Variants in LRRC4C observed in about 807,000 individuals in gnomAD.
The protein encoded by LRRC4C is leucine rich repeat containing 4C, also known as leucine-rich repeat-containing protein 4C.
In LRRC4C, 5 loss-of-function variants were observed where a neutral mutation model predicts 33.6. That is an observed-to-expected ratio of 0.15 (90% CI 0.08 to 0.31). The LOEUF (loss-of-function observed/expected upper bound fraction) is 0.31. LRRC4C is among the 10% of genes least tolerant of loss of function. The pLI is 1.00. For missense variants in LRRC4C, 560 were observed against 796.7 expected (o/e 0.70, Z 3.58); for synonymous variants, 329 against 302.0 (o/e 1.09, Z -0.93).
At position 40,168,096 on chromosome 11, in the gene LRRC4C, T is replaced by C. The variant is rs560419597; in HGVS notation, c.-95-27243A>G. Among the ~76,000 whole-genome samples the C allele has an allele frequency of 4.6e-5, 7 of 151,856 alleles. No homozygotes were observed. The South Asian group carries it at 1.2e-3, about 27-fold the overall frequency. ...AAACAAAACAAAAAAACTATCCCAC[T>C]GCTAGTAGGAAAGGAGATGTGAAAT... On this transcript the variant is annotated intron_variant, in intron 5 of 6. Transcript: ENST00000528697.
intron 2 of LRRC4C, among the ~76,000 whole-genome samples, chr11:40,718,684 A>C (rs1946853559): frequency 6.6e-6 from 1 of 152,190 alleles, no homozygotes; most frequent in Non-Finnish European, 1.5e-5. Context: ...TAAAAGATAC[A>C]GAAACTTCTG....
intron 2 of LRRC4C, among the ~76,000 whole-genome samples, chr11:40,791,394 C>T (rs1005509396): frequency 1.3e-5 from 2 of 152,116 alleles, no homozygotes; most frequent in Non-Finnish European, 2.9e-5. Context: ...AGAAGTGTTG[C>T]TTCTAATAAG....
intron 4 of LRRC4C, among the ~76,000 whole-genome samples, chr11:40,294,699 C>T (rs1309452834): frequency 4.1e-5 from 6 of 147,782 alleles, no homozygotes; most frequent in Non-Finnish European, 9.1e-5. Flanking sequence ...CGATGGCGCG[C>T]GTCTGTAATC....
chr11:40,371,904 G>C (rs1297974154), intron 3 of LRRC4C, among the ~76,000 whole-genome samples: 1 of 152,138 alleles, frequency 6.6e-6, no homozygotes. Context: ...TAAACAATTA[G>C]GTATGTAGGT....
chr11:40,896,929 G>T (rs1955972185), intron 2 of LRRC4C, among the ~76,000 whole-genome samples: 1 of 152,046 alleles, frequency 6.6e-6, no homozygotes, highest in Non-Finnish European at 1.5e-5. Context: ...ATTCTTAAGG[G>T]CATAACAAAG....
At chr11:41,252,599 T>C (rs991127319) in intron 1 of LRRC4C, among the ~76,000 whole-genome samples, 1 of 152,166 alleles carries the variant, frequency 6.6e-6, no homozygotes, top group Non-Finnish European at 1.5e-5. Context: ...TAATACTATT[T>C]TGTTCCTATA....
intron 3 of LRRC4C, among the ~76,000 whole-genome samples, chr11:40,498,840 G>T (rs1954602831): frequency 6.6e-6 from 1 of 152,110 alleles, no homozygotes; most frequent in African/African-American, 2.4e-5. Context: ...CATTTTTACT[G>T]GACTAAGTGG....
At chr11:41,283,731 T>C (rs1307806949) in intron 1 of LRRC4C, among the ~76,000 whole-genome samples, 1 of 152,166 alleles carries the variant, frequency 6.6e-6, no homozygotes, top group African/African-American at 2.4e-5. Context: ...TCTAGCCCTT[T>C]ACGGAAGAGG....
At chr11:41,261,662 A>G (rs184888739) in intron 1 of LRRC4C, among the ~76,000 whole-genome samples, 28 of 152,262 alleles carry the variant, frequency 1.8e-4, no homozygotes, top group Non-Finnish European at 3.2e-4. Flanking sequence ...GTAGGGGGCT[A>G]TGGGCTTCAT....
At chr11:40,653,034 A>G (rs1373396640) in intron 2 of LRRC4C, among the ~76,000 whole-genome samples, 4 of 152,272 alleles carry the variant, frequency 2.6e-5, no homozygotes, top group African/African-American at 9.6e-5. Flanking sequence ...TTCTGCCATG[A>G]TTGTAAGTGT....
At chr11:40,179,206 T>C (rs1860772567) in intron 5 of LRRC4C, among the ~76,000 whole-genome samples, 1 of 151,960 alleles carries the variant, frequency 6.6e-6, no homozygotes, top group Non-Finnish European at 1.5e-5. Flanking sequence ...GGTCTCTCTA[T>C]GGTGCCTAGA....
At chr11:41,131,978 A>T (rs1185591460) in intron 1 of LRRC4C, among the ~76,000 whole-genome samples, 2 of 152,144 alleles carry the variant, frequency 1.3e-5, no homozygotes, top group African/African-American at 4.8e-5. Context: ...TATAATCAAG[A>T]AATAACTGTA....
chr11:41,006,906 CA>C lies in LRRC4C; in HGVS notation c.-495-73184del, dbSNP rs549748232. On this transcript the variant is annotated intron_variant, in intron 1 of 6. Transcript: ENST00000528697. The stretch of plus-strand genomic sequence containing the variant: ...ATAGATTTCTTCTTAAAGAAATCCT[CA>C]AAGGTAAGAAAAAGATTGTGATTTT... 4.5e-3 allele frequency among the ~76,000 whole-genome samples: 681 copies of C among 152,044 alleles called. 5 individuals are homozygous for C. Among genetic ancestry groups the C allele is most frequent in the African/African-American group, 0.015 (639 of 41,488 alleles).
chr11:40,367,909 G>A (rs866809384), intron 3 of LRRC4C, among the ~76,000 whole-genome samples: 3 of 151,502 alleles, frequency 2.0e-5, no homozygotes, highest in South Asian at 2.1e-4. Flanking sequence ...ATATGTTCCA[G>A]TCTTTAGTAT....
intron 3 of LRRC4C, among the ~76,000 whole-genome samples, chr11:40,403,646 A>T (rs752693146): frequency 6.6e-6 from 1 of 152,130 alleles, no homozygotes; most frequent in Non-Finnish European, 1.5e-5. Context: ...TTGCTACTTC[A>T]ATTTTTTTTC....
intron 1 of LRRC4C, among the ~76,000 whole-genome samples, chr11:41,226,816 ACAAT>A (rs1175426971): frequency 6.6e-6 from 1 of 151,384 alleles, no homozygotes; most frequent in Non-Finnish European, 1.5e-5. Context: ...ATTTCCCTCC[ACAAT>A]CAAACTACTT....
At chr11:41,230,016 A>T (rs1388734407) in intron 1 of LRRC4C, among the ~76,000 whole-genome samples, 1 of 151,850 alleles carries the variant, frequency 6.6e-6, no homozygotes, top group Non-Finnish European at 1.5e-5. Context: ...TTTCTATTTC[A>T]TTATGCCATT....
chr11:41,196,775 CT>C (rs983169608), intron 1 of LRRC4C, among the ~76,000 whole-genome samples: 4 of 151,896 alleles, frequency 2.6e-5, no homozygotes, highest in Non-Finnish European at 5.9e-5. Context: ...TCATGTGATT[CT>C]CCAAAATTAC....
chr11:40,611,232 A>C (rs1305994139), intron 3 of LRRC4C, among the ~76,000 whole-genome samples: 1 of 151,612 alleles, frequency 6.6e-6, no homozygotes, highest in East Asian at 1.9e-4. Flanking sequence ...ATACAGTTAA[A>C]TGATCTTTGA....
Sources: allele counts gnomAD v4.1 joint callset (sites outside exome capture counted in the v4.1 genomes callset), GRCh38; gene constraint gnomAD v4.1.1; transcripts MANE v1.5; gene names NCBI Gene and HGNC (gene_info 2026-07-23, HGNC 2026-07-21).